The following PIK3C2G variants were observed in gnomAD, a reference collection of about 807,000 sequenced individuals.
The protein encoded by PIK3C2G is phosphatidylinositol-4-phosphate 3-kinase catalytic subunit type 2 gamma.
A neutral mutation model predicts 181.1 loss-of-function variants in PIK3C2G; 168 were observed. That is an observed-to-expected ratio of 0.93 (90% CI 0.82 to 1.05). The LOEUF (loss-of-function observed/expected upper bound fraction) is 1.05. PIK3C2G is among the 50% of genes least tolerant of loss of function. The probability of loss-of-function intolerance (pLI) is 0.00; values close to 1 mark genes in which losing one functional copy is unlikely to be tolerated. For synonymous variants in PIK3C2G, 573 were observed against 592.2 expected, an observed-to-expected ratio of 0.97 and a Z score of 0.47; for missense variants, 1,869 against 1,732.8, an observed-to-expected ratio of 1.08 and a Z score of -1.40.
chr12:18,651,434 C>T (rs1297681118), downstream of PIK3C2G, among the ~76,000 whole-genome samples: 3 of 152,128 alleles, frequency 2.0e-5, no homozygotes, highest in African/African-American at 4.8e-5. Flanking sequence ...ATATAATTTA[C>T]TTATGTATTT....
chr12:18,294,645 C>G (rs1216409135), intron 5 of PIK3C2G, among the ~76,000 whole-genome samples: 1 of 151,888 alleles, frequency 6.6e-6, no homozygotes, highest in African/African-American at 2.4e-5. Context: ...ACCAAAGTAA[C>G]CATTTGCCTG....
intron 5 of PIK3C2G, among the ~76,000 whole-genome samples, chr12:18,312,642 T>C (rs1328603688): frequency 6.6e-6 from 1 of 152,050 alleles, no homozygotes; most frequent in Non-Finnish European, 1.5e-5. Flanking sequence ...TTGTCTAGAT[T>C]GGCTGTGAAA....
At chr12:18,677,731 T>A in the PIK3C2G span, among the ~76,000 whole-genome samples, 1 of 152,100 alleles carries the variant, frequency 6.6e-6, no homozygotes, top group African/African-American at 2.4e-5. Flanking sequence ...AGTGTTCAGA[T>A]AAGGTTAAGA....
chr12:18,695,219 G>T, the PIK3C2G span: 2 of 870,436 alleles, frequency 2.3e-6, no homozygotes, highest in South Asian at 1.6e-5. Flanking sequence ...AATAATTCAT[G>T]ATTTTTAAAA....
chr12:18,364,644 TC>T (rs1449702429), intron 12 of PIK3C2G, among the ~76,000 whole-genome samples: 7 of 152,158 alleles, frequency 4.6e-5, no homozygotes, highest in Middle Eastern at 3.2e-3. Context: ...ACATCTATAA[TC>T]CCAACACTTC....
chr12:18,677,751 C>G, the PIK3C2G span, among the ~76,000 whole-genome samples: 3 of 152,010 alleles, frequency 2.0e-5, no homozygotes, highest in Admixed American at 6.6e-5. Context: ...AACAACTGGT[C>G]TACATTTAAA....
chr12:18,455,987 AT>A (rs1355956303), intron 18 of PIK3C2G, among the ~76,000 whole-genome samples: 1 of 152,062 alleles, frequency 6.6e-6, no homozygotes, highest in African/African-American at 2.4e-5. Context: ...TTTCTTTACC[AT>A]TCTGGAGTTC....
intron 1 of PIK3C2G, chr12:18,248,113 TG>T (rs1948059488): frequency 6.6e-6 from 1 of 152,126 alleles, no homozygotes. Context: ...AACCAATTTC[TG>T]GTGATGGTAT....
chr12:18,486,208 G>C lies in PIK3C2G; in HGVS notation c.2505-2241G>C, dbSNP rs547032003. ...TGGATCTTGAACCAGATCTCACCAG[G>C]AGAACATGTAATCTTGGCAGGGATG... On this transcript the variant is annotated intron_variant, in intron 18 of 32. Transcript: ENST00000538779. 5.3e-5 allele frequency among the ~76,000 whole-genome samples: 8 copies of C among 152,202 alleles called. No homozygotes were observed. The East Asian group carries it at 1.5e-3, about 29-fold the overall frequency.
In PIK3C2G at chr12:18,338,515, T is replaced by A. The variant is rs1391089109; in HGVS notation, c.1362T>A (p.Asn454Lys). The A allele has an allele frequency of 2.5e-6, 4 of 1,592,168 alleles. No homozygotes were observed. Among genetic ancestry groups the A allele is most frequent in the East Asian group, 4.5e-5 (2 of 44,714 alleles). ...CCAAACAAATTACAGATGCAGTAAATGAACTAAGTCTAATTCTTCAGAGAA... is the reference window on the plus strand; with the variant it reads ...CCAAACAAATTACAGATGCAGTAAAAGAACTAAGTCTAATTCTTCAGAGAA... ...VETKQITDAV[N>K]ELSLILQRKG... Residue 454 changes from asparagine to lysine, a missense_variant, in exon 9 of 33, where the codon AAT becomes AAA. Coordinates refer to ENST00000538779, the MANE Select transcript of PIK3C2G (RefSeq NM_001288772.2).
At chr12:18,694,773 A>G in the PIK3C2G span, 4 of 667,762 alleles carry the variant, frequency 6.0e-6, no homozygotes, top group South Asian at 8.7e-5. Flanking sequence ...CTGGAATACT[A>G]CCCACATATA....
At chr12:18,255,811 G>A (rs1014011415) in intron 1 of PIK3C2G, among the ~76,000 whole-genome samples, 2 of 152,172 alleles carry the variant, frequency 1.3e-5, no homozygotes, top group Non-Finnish European at 2.9e-5. Flanking sequence ...AGGTATACAA[G>A]AAGAGGAAAA....
chr12:18,534,045 G>A (rs1423633327), intron 24 of PIK3C2G, among the ~76,000 whole-genome samples: 1 of 144,292 alleles, frequency 6.9e-6, no homozygotes, highest in African/African-American at 2.5e-5. Flanking sequence ...CCCCTCCAGG[G>A]TTCAAACAAT....
intron 5 of PIK3C2G, among the ~76,000 whole-genome samples, chr12:18,304,683 T>C (rs1270598605): frequency 6.6e-6 from 1 of 152,248 alleles, no homozygotes; most frequent in Non-Finnish European, 1.5e-5. Flanking sequence ...CAGTTTTAAG[T>C]AATAGATTAC....
At chr12:18,425,382 A>ATTTTTT (rs1448480782) in intron 18 of PIK3C2G, among the ~76,000 whole-genome samples, 10 of 95,936 alleles carry the variant, frequency 1.0e-4, no homozygotes, top group Non-Finnish European at 1.5e-4. Context: ...AAGGACAGAC[A>ATTTTTT]TTTCTTTTTT....
the PIK3C2G span, among the ~76,000 whole-genome samples, chr12:18,662,874 TACTTAAA>T: frequency 2.0e-5 from 3 of 151,890 alleles, no homozygotes; most frequent in Non-Finnish European, 4.4e-5. Context: ...AATGAGAAAA[TACTTAAA>T]ACATTTAACT....
intron 18 of PIK3C2G, among the ~76,000 whole-genome samples, chr12:18,449,931 C>T (rs1947255144): frequency 6.6e-6 from 1 of 152,182 alleles, no homozygotes; most frequent in Non-Finnish European, 1.5e-5. Context: ...TTCTCCACAT[C>T]CTCGACAGCA....
At chr12:18,370,105 T>A (rs1205298056) in intron 12 of PIK3C2G, among the ~76,000 whole-genome samples, 1 of 152,060 alleles carries the variant, frequency 6.6e-6, no homozygotes, top group African/African-American at 2.4e-5. Context: ...ATCATATAAT[T>A]CTATACAATT....
chr12:18,502,282 C>G (rs1941543118), intron 22 of PIK3C2G, among the ~76,000 whole-genome samples: 1 of 152,146 alleles, frequency 6.6e-6, no homozygotes, highest in Non-Finnish European at 1.5e-5. Flanking sequence ...TTTATCACCA[C>G]CATAATCTAC....
Sources: gnomAD v4.1 joint callset for allele counts (sites outside exome capture counted in the v4.1 genomes callset) on GRCh38, gnomAD v4.1.1 for gene constraint, MANE v1.5 for transcripts, NCBI Gene and HGNC (gene_info 2026-07-23, HGNC 2026-07-21) for gene names.